Variants in ATXN7 observed in about 807,000 individuals in gnomAD.
ATXN7 encodes ataxin 7.
Under a neutral mutation model 70.5 loss-of-function variants are expected in ATXN7, and 12 were observed. That is an observed-to-expected ratio of 0.17 (90% CI 0.11 to 0.28). The LOEUF is 0.28. Ranked by LOEUF, ATXN7 falls within the 10% of genes least tolerant of loss-of-function variation. The probability of loss-of-function intolerance (pLI) is 1.00; values close to 1 mark genes in which losing one functional copy is unlikely to be tolerated. For missense variants in ATXN7, 1,256 were observed against 1,131.7 expected (o/e 1.11, Z -1.58); for synonymous variants, 498 against 448.7 (o/e 1.11, Z -1.39).
intron 4 of ATXN7, among the ~76,000 whole-genome samples, chr3:63,929,899 A>G (rs1704878680): frequency 6.6e-6 from 1 of 152,110 alleles, no homozygotes; most frequent in Admixed American, 6.5e-5. Context: ...CTGTCCCAGA[A>G]CCCTGTCCTT....
chr3:63,969,511 C>T (rs1264161128), intron 5 of ATXN7, among the ~76,000 whole-genome samples: 1 of 152,184 alleles, frequency 6.6e-6, no homozygotes, highest in Admixed American at 6.5e-5. Flanking sequence ...AAAAACAAGG[C>T]AGCTCCTCTA....
chr3:63,886,579 A>G (rs906753778), intron 1 of ATXN7, among the ~76,000 whole-genome samples: 3 of 152,226 alleles, frequency 2.0e-5, no homozygotes, highest in Admixed American at 6.5e-5. Context: ...CAAAGATACT[A>G]TACTTACATA....
intron 6 of ATXN7, chr3:63,980,488 C>T (rs2075468058): frequency 4.0e-6 from 1 of 251,672 alleles, no homozygotes; most frequent in African/African-American, 2.2e-5. Flanking sequence ...CCTCGTTTTC[C>T]AGATGAGGAG....
chr3:63,920,088 CGTT>C (rs1345848781), intron 4 of ATXN7, among the ~76,000 whole-genome samples: 4 of 152,022 alleles, frequency 2.6e-5, no homozygotes, highest in Admixed American at 6.6e-5. Flanking sequence ...AGAAGGCAGA[CGTT>C]GTTCTTTAGG....
chr3:63,952,123 C>G (rs991324049), intron 4 of ATXN7, among the ~76,000 whole-genome samples: 1 of 152,168 alleles, frequency 6.6e-6, no homozygotes, highest in Non-Finnish European at 1.5e-5. Flanking sequence ...CTTTATTGTG[C>G]AAATATATTC....
At chr3:63,999,344 T>C (rs902456195) in intron 12 of ATXN7, 106 bp from the exon 13 acceptor site, 8 of 931,128 alleles carry the variant, frequency 8.6e-6, no homozygotes, top group African/African-American at 3.2e-5. Flanking sequence ...ATGGAGACTT[T>C]AGTAGCGTGC....
At chr3:63,940,398 C>A (rs2074737697) in intron 4 of ATXN7, among the ~76,000 whole-genome samples, 1 of 151,954 alleles carries the variant, frequency 6.6e-6, no homozygotes, top group African/African-American at 2.4e-5. Context: ...AACGTAAAGA[C>A]AGGTCAGTAG....
Position 63,990,769 on chromosome 3 carries a change from G to A in ATXN7, c.1592G>A (p.Arg531Lys), listed in dbSNP as rs758040492. Residue 531 changes from arginine to lysine, a missense_variant, in exon 11 of 13, where the codon AGA becomes AAA. Transcript: ENST00000674280. ...FCTFGSRQIG[R>K]GYYVFDSRWN... ...ACATTTGGGAGCCGGCAGATAGGAA[G>A]AGGCTATTACGTGTTTGACTCCAGG... 8 of 1,614,032 alleles carry A rather than the reference G, an allele frequency of 5.0e-6. No homozygotes were observed. In the East Asian group the frequency reaches 1.8e-4, roughly 36 times the overall value.
chr3:63,934,049 T>A (rs148037805), intron 4 of ATXN7, among the ~76,000 whole-genome samples: 5 of 152,226 alleles, frequency 3.3e-5, no homozygotes, highest in Admixed American at 6.5e-5. Flanking sequence ...AAGCTACTTA[T>A]GTTCATCATT....
intron 5 of ATXN7, among the ~76,000 whole-genome samples, chr3:63,974,908 A>T (rs1470911207): frequency 6.6e-6 from 1 of 152,194 alleles, no homozygotes; most frequent in Non-Finnish European, 1.5e-5. Context: ...TTGAATGAAA[A>T]ATTGTAGCAT....
rs2075842073 is a variant in ATXN7, at chr3:64,002,382, C to T, written c.*2915C>T. On this transcript the variant is annotated 3_prime_UTR_variant, in exon 13 of 13. Coordinates refer to ENST00000674280, the MANE Select transcript of ATXN7 (RefSeq NM_001377405.1). ...TTAGTGTCTCGGGAGTGGATTCATA[C>T]AGATGAAGTGGGCATTGCTTCTTCC... 1 of 152,664 alleles carries T rather than the reference C, an allele frequency of 6.6e-6. No homozygotes were observed. Among genetic ancestry groups the T allele is most frequent in the South Asian group, 2.1e-4 (1 of 4,820 alleles). 9.5% of individuals were successfully genotyped at this position (152,664 alleles called of 1,614,324 possible).
intron 4 of ATXN7, among the ~76,000 whole-genome samples, chr3:63,947,046 T>C (rs974684476): frequency 6.6e-6 from 1 of 152,196 alleles, no homozygotes; most frequent in Non-Finnish European, 1.5e-5. Context: ...GTTATGAGTC[T>C]AGCAGACCTG....
chr3:63,916,462 C>T (rs905696283), intron 4 of ATXN7, among the ~76,000 whole-genome samples: 3 of 152,212 alleles, frequency 2.0e-5, no homozygotes, highest in Non-Finnish European at 2.9e-5. Flanking sequence ...CTAAGCTAAC[C>T]TCTCTGCCTG....
intron 4 of ATXN7, among the ~76,000 whole-genome samples, chr3:63,945,795 C>G (rs1481525767): frequency 2.0e-5 from 3 of 152,140 alleles, no homozygotes; most frequent in Non-Finnish European, 4.4e-5. Flanking sequence ...AGCCAAGTCT[C>G]TGGGGAAGCC....
At chr3:63,959,173 CA>C (rs2075083718) in intron 5 of ATXN7, among the ~76,000 whole-genome samples, 1 of 152,204 alleles carries the variant, frequency 6.6e-6, no homozygotes, top group Non-Finnish European at 1.5e-5. Context: ...TATCTAAAGC[CA>C]AACTCCTCCT....
chr3:63,950,505 A>G (rs2074935698), intron 4 of ATXN7, among the ~76,000 whole-genome samples: 1 of 152,202 alleles, frequency 6.6e-6, no homozygotes, highest in Admixed American at 6.5e-5. Context: ...TGTTCATTTG[A>G]TATCTATCTC....
At position 63,980,061 on chromosome 3, in the gene ATXN7, T is replaced by G. The variant is rs767339478; in HGVS notation, c.646T>G (p.Ser216Ala). The stretch of plus-strand genomic sequence containing the variant: ...CAGTGGAGGTGTTCTTAGCGCATCC[T>G]CATCAAGTTCCAAGTTGTTGAAATC... ...SSSGGVLSAS[S>A]SSSKLLKSPK... The change falls in exon 6 of 13, where the codon TCA becomes GCA. Residue 216 changes from serine (S) to alanine (A), a missense_variant. Physicochemically the swap from Ser to Ala is moderately conservative, Grantham distance 99. Coordinates refer to ENST00000674280, the MANE Select transcript of ATXN7 (RefSeq NM_001377405.1). The G allele has an allele frequency of 3.1e-5, 50 of 1,614,080 alleles. No homozygotes were observed. The highest frequency in any genetic ancestry group is 4.0e-5 in the Non-Finnish European group (47 of 1,180,052).
At position 63,930,319 on chromosome 3, in the gene ATXN7, C is replaced by T. The variant is rs573343558; in HGVS notation, c.394+17094C>T. 3.9e-5 allele frequency among the ~76,000 whole-genome samples: 6 copies of T among 152,200 alleles called. No homozygotes were observed. In the East Asian group the frequency reaches 9.7e-4, roughly 25 times the overall value. On this transcript the variant is annotated intron_variant, in intron 4 of 12. Coordinates refer to ENST00000674280, the MANE Select transcript of ATXN7 (RefSeq NM_001377405.1). ...AACTAGAGAGTGAGTAGGGAATATACCTTGCAAGCTATTGGTTTGGCCTCA... is the reference window on the plus strand; with the variant it reads ...AACTAGAGAGTGAGTAGGGAATATATCTTGCAAGCTATTGGTTTGGCCTCA...
intron 2 of ATXN7, 69 bp from the exon 3 acceptor site, chr3:63,912,519 A>G: frequency 1.0e-6 from 1 of 989,416 alleles, no homozygotes; most frequent in South Asian, 2.7e-5. Flanking sequence ...CGCCGCCGGA[A>G]CTCCCTGGCG....
Sources: gnomAD v4.1 joint callset for allele counts (sites outside exome capture counted in the v4.1 genomes callset) on GRCh38, gnomAD v4.1.1 for gene constraint, MANE v1.5 for transcripts, NCBI Gene and HGNC (gene_info 2026-07-23, HGNC 2026-07-21) for gene names.